Variants in MTUS2 observed in about 807,000 individuals in gnomAD.
MTUS2 encodes microtubule associated scaffold protein 2.
A neutral mutation model predicts 114.1 loss-of-function variants in MTUS2; 40 were observed. The observed-to-expected ratio is 0.35, with a 90% CI of 0.27 to 0.46. The LOEUF (loss-of-function observed/expected upper bound fraction) is 0.46. Among genes scored for constraint, MTUS2 ranks in the 20% least tolerant of loss-of-function variants. The probability of loss-of-function intolerance (pLI) is 1.00; values close to 1 mark genes in which losing one functional copy is unlikely to be tolerated. For synonymous variants in MTUS2, 688 were observed against 672.0 expected (o/e 1.02, Z -0.37); for missense variants, 1,679 against 1,705.4 (o/e 0.98, Z 0.27).
chr13:29,490,119 C>G (rs1238993771), intron 11 of MTUS2: 1 of 152,186 alleles, frequency 6.6e-6, no homozygotes, highest in Non-Finnish European at 1.5e-5. Flanking sequence ...GGATGCTGCT[C>G]TCGATGACTG....
intron 7 of MTUS2, among the ~76,000 whole-genome samples, chr13:29,326,823 T>TA (rs1900536871): frequency 6.6e-6 from 1 of 151,696 alleles, no homozygotes; most frequent in Non-Finnish European, 1.5e-5. Flanking sequence ...TCTGCTAAAA[T>TA]ACAAAAATTA....
In MTUS2 at chr13:29,196,604, G is replaced by T. The variant is rs138924646; in HGVS notation, c.2645-85100G>T. Among the ~76,000 whole-genome samples the T allele has an allele frequency of 3.9e-4, 59 of 152,122 alleles. No individual in the cohort carries two copies. The East Asian group carries it at 0.01, about 27-fold the overall frequency. On this transcript the variant is annotated intron_variant, in intron 5 of 15. Transcript: ENST00000612955. ...TGCAGAACTGAAACCTTTTACACATGAAACACTAACCTTTCATTGCCTCCT... is the reference window on the plus strand; with the variant it reads ...TGCAGAACTGAAACCTTTTACACATTAAACACTAACCTTTCATTGCCTCCT...
intron 4 of MTUS2, among the ~76,000 whole-genome samples, chr13:29,086,246 T>G (rs1157294421): frequency 2.6e-5 from 4 of 152,196 alleles, no homozygotes; most frequent in African/African-American, 7.2e-5. Context: ...GTTTATGCTA[T>G]TGATAGGTTG....
At chr13:29,273,351 A>G (rs1428087535) in intron 5 of MTUS2, among the ~76,000 whole-genome samples, 2 of 152,238 alleles carry the variant, frequency 1.3e-5, no homozygotes, top group Non-Finnish European at 2.9e-5. Flanking sequence ...ATCAGAAGAC[A>G]GAACAACCCT....
At chr13:29,149,986 C>T (rs1892602438) in intron 5 of MTUS2, among the ~76,000 whole-genome samples, 1 of 152,054 alleles carries the variant, frequency 6.6e-6, no homozygotes, top group Non-Finnish European at 1.5e-5. Flanking sequence ...TTAGGATTGC[C>T]TTGGCTATTT....
intron 2 of MTUS2, among the ~76,000 whole-genome samples, chr13:28,901,805 G>GT (rs1377264938): frequency 6.6e-6 from 1 of 152,004 alleles, no homozygotes; most frequent in Non-Finnish European, 1.5e-5. Context: ...TTCCTATTGT[G>GT]TTTTTTCCCA....
intron 5 of MTUS2, among the ~76,000 whole-genome samples, chr13:29,172,271 C>G (rs1420583177): frequency 6.6e-6 from 1 of 152,152 alleles, no homozygotes; most frequent in Non-Finnish European, 1.5e-5. Context: ...TTGACAATGT[C>G]CAAGATAACT....
At chr13:29,275,952 T>C (rs997835127) in intron 5 of MTUS2, among the ~76,000 whole-genome samples, 3 of 152,250 alleles carry the variant, frequency 2.0e-5, no homozygotes, top group Non-Finnish European at 4.4e-5. Flanking sequence ...AAGAAACAAT[T>C]GCCTAATCCA....
intron 9 of MTUS2, among the ~76,000 whole-genome samples, chr13:29,457,988 A>G (rs55842638): frequency 0.065 from 9,852 of 152,190 alleles, 356 homozygotes; most frequent in African/African-American, 0.087. Context: ...TCCTGACCTC[A>G]TGATCCGCCT....
At chr13:28,904,990 G>C (rs7990183) in intron 2 of MTUS2, among the ~76,000 whole-genome samples, 13,176 of 149,734 alleles carry the variant, frequency 0.088, 2,029 homozygotes, top group African/African-American at 0.31. Flanking sequence ...AGTTGGATTC[G>C]TAGGTATTTT....
intron 2 of MTUS2, among the ~76,000 whole-genome samples, chr13:28,961,110 A>G (rs1459315790): frequency 6.6e-6 from 1 of 152,122 alleles, no homozygotes; most frequent in Non-Finnish European, 1.5e-5. Flanking sequence ...AATTAACAGA[A>G]CATCAGGAAC....
intron 8 of MTUS2, among the ~76,000 whole-genome samples, chr13:29,373,446 G>A (rs1871346028): frequency 6.6e-6 from 1 of 152,222 alleles, no homozygotes; most frequent in Non-Finnish European, 1.5e-5. Context: ...AACTGGAAAG[G>A]ATAGCAGATA....
At chr13:29,030,880 T>C (rs1037890138) in intron 3 of MTUS2, among the ~76,000 whole-genome samples, 1 of 152,114 alleles carries the variant, frequency 6.6e-6, no homozygotes. Flanking sequence ...GAGGAACTCT[T>C]TTCCCAATTG....
intron 5 of MTUS2, among the ~76,000 whole-genome samples, chr13:29,213,463 C>T (rs1247546922): frequency 6.6e-6 from 1 of 152,198 alleles, no homozygotes; most frequent in Non-Finnish European, 1.5e-5. Context: ...TAATTGCAGA[C>T]TTGTCTATTT....
intron 8 of MTUS2, among the ~76,000 whole-genome samples, chr13:29,382,068 G>T (rs1872255530): frequency 6.6e-6 from 1 of 152,156 alleles, no homozygotes; most frequent in South Asian, 2.1e-4. Context: ...TGGAGGAATC[G>T]ATCAAGTCAC....
intron 5 of MTUS2, among the ~76,000 whole-genome samples, chr13:29,162,384 G>A (rs745850275): frequency 6.6e-6 from 1 of 152,154 alleles, no homozygotes; most frequent in Non-Finnish European, 1.5e-5. Flanking sequence ...TTTCTTAGAT[G>A]CAGGACTCTT....
intron 5 of MTUS2, among the ~76,000 whole-genome samples, chr13:29,141,314 A>G (rs573292251): frequency 6.6e-6 from 1 of 152,272 alleles, no homozygotes; most frequent in Admixed American, 6.5e-5. Context: ...AGCACAAGAG[A>G]GGAGTGTCTT....
chr13:29,032,524 A>G (rs546106830), intron 3 of MTUS2, among the ~76,000 whole-genome samples: 53 of 152,238 alleles, frequency 3.5e-4, no homozygotes, highest in Non-Finnish European at 6.9e-4. Flanking sequence ...TAAGTAGAGA[A>G]TGGTAAAAAA....
At chr13:29,408,689 T>A (rs1874975062) in intron 8 of MTUS2, among the ~76,000 whole-genome samples, 1 of 152,188 alleles carries the variant, frequency 6.6e-6, no homozygotes, top group South Asian at 2.1e-4. Context: ...CTTTTTTTTT[T>A]TCATATAGAT....
Sources: allele counts gnomAD v4.1 joint callset (sites outside exome capture counted in the v4.1 genomes callset), GRCh38; gene constraint gnomAD v4.1.1; transcripts MANE v1.5; gene names NCBI Gene and HGNC (gene_info 2026-07-23, HGNC 2026-07-21).